MTA1: variants seen among roughly 807,000 people sequenced by gnomAD.
MTA1 encodes the protein metastasis associated 1.
A neutral mutation model predicts 97.0 loss-of-function variants in MTA1; 15 were observed. The ratio of observed to expected loss-of-function variants is 0.15; its 90% CI spans 0.10 to 0.24. The LOEUF (loss-of-function observed/expected upper bound fraction) is 0.24, where lower values mean the gene tolerates loss of function less well. MTA1 is among the 10% of genes least tolerant of loss of function. The pLI is 1.00. For missense variants in MTA1, 709 were observed against 1,015.1 expected (o/e 0.70, Z 4.10); for synonymous variants, 435 against 417.5 (o/e 1.04, Z -0.51).
intron 1 of MTA1, among the ~76,000 whole-genome samples, chr14:105,423,011 G>A (rs1595244974): frequency 6.6e-6 from 1 of 152,146 alleles, no homozygotes; most frequent in Admixed American, 6.5e-5. Context: ...GGCAACGGCG[G>A]GATGTTTCTT....
At chr14:105,466,634 C>G (rs1054622062) in intron 17 of MTA1, 56 bp downstream of exon 17, 70 of 1,576,222 alleles carry the variant, frequency 4.4e-5, no homozygotes, top group Non-Finnish European at 5.9e-5. Flanking sequence ...GAGTCCGGCC[C>G]GTCCCCGCCC....
chr14:105,456,259 T>A (rs1595382849), intron 7 of MTA1, among the ~76,000 whole-genome samples: 1 of 151,970 alleles, frequency 6.6e-6, no homozygotes, highest in Admixed American at 6.6e-5. Flanking sequence ...GGCCAGAGAG[T>A]GAGGAGCTGT....
At chr14:105,462,004 G>C (rs1357576461) in intron 10 of MTA1, among the ~76,000 whole-genome samples, 2 of 110,150 alleles carry the variant, frequency 1.8e-5, no homozygotes, top group Middle Eastern at 4.6e-3. Context: ...ATTTGAGGGA[G>C]ACCCTGCTGC....
At position 105,420,018 on chromosome 14, in the gene MTA1, G is replaced by C. The variant is rs1439651695; in HGVS notation, c.-18G>C. The C allele has an allele frequency of 1.9e-6, 2 of 1,038,908 alleles. No homozygotes were observed. Among genetic ancestry groups the C allele is most frequent in the African/African-American group, 1.8e-5 (1 of 54,194 alleles). 64.4% of individuals were successfully genotyped at this position (1,038,908 alleles called of 1,614,324 possible). ...CGCCGCGCCCGCCCCGGGCCCCTCCGCCGCCGCCGGCCCGGACATGGCCGC... is the reference window on the plus strand; with the variant it reads ...CGCCGCGCCCGCCCCGGGCCCCTCCCCCGCCGCCGGCCCGGACATGGCCGC... On this transcript the variant is annotated 5_prime_UTR_variant, in exon 1 of 21. Transcript: ENST00000331320. This position sits in a 1 kb window ranked among gnomAD's most constrained non-coding sequence, Gnocchi z 5.3.
chr14:105,433,810 A>C (rs766069600), intron 1 of MTA1, among the ~76,000 whole-genome samples: 86 of 152,240 alleles, frequency 5.6e-4, no homozygotes, highest in Non-Finnish European at 1.1e-3. Flanking sequence ...CATCTGTATT[A>C]TAGAAAGCTG....
Position 105,460,820 on chromosome 14 carries a change from C to T in MTA1, c.809C>T (p.Ser270Leu), listed in dbSNP as rs1166494047. 5 of 1,611,224 alleles carry T rather than the reference C, an allele frequency of 3.1e-6. No homozygotes were observed. Among genetic ancestry groups the T allele is most frequent in the African/African-American group, 1.3e-5 (1 of 74,896 alleles). The change falls in exon 10 of 21, where the codon TCG becomes TTG. Residue 270 changes from serine to leucine, a missense_variant. Around this residue, in one of 2 missense-constraint regions of MTA1, gnomAD observed 321 missense variants for 593.5 expected, o/e 0.54. Transcript: ENST00000331320. ...KNIYDISKAI[S>L]ALVPQGGPVL... ...ATCTACGACATCTCCAAGGCCATCTCGGCGCTGGTGCCGCAGGGCGGGCCC... is the reference window on the plus strand; with the variant it reads ...ATCTACGACATCTCCAAGGCCATCTTGGCGCTGGTGCCGCAGGGCGGGCCC...
Position 105,463,863 on chromosome 14 carries a change from A to T in MTA1, c.1077-169A>T. 1.4e-6 allele frequency: 1 copy of T among 711,734 alleles called. No homozygotes were observed. Among genetic ancestry groups the T allele is most frequent in the Non-Finnish European group, 2.5e-6 (1 of 403,708 alleles). 44.1% of individuals were successfully genotyped at this position (711,734 alleles called of 1,614,324 possible). On this transcript the variant is annotated intron_variant, in intron 12 of 20. Coordinates refer to ENST00000331320, the MANE Select transcript of MTA1 (RefSeq NM_004689.4). This position sits in a 1 kb window ranked among gnomAD's most constrained non-coding sequence, Gnocchi z 5.9. ...CCTGGAGAACGGCTCAGACCTCAGC[A>T]GTGGCTCCCAGGAACTGAAAGGGGA...
At chr14:105,442,458 C>T (rs1338087726) in intron 2 of MTA1, among the ~76,000 whole-genome samples, 2 of 152,242 alleles carry the variant, frequency 1.3e-5, no homozygotes, top group African/African-American at 4.8e-5. Context: ...GATATGAGCC[C>T]TTTCTCTTTG....
intron 2 of MTA1, among the ~76,000 whole-genome samples, chr14:105,440,317 C>A (rs1289543112): frequency 6.6e-6 from 1 of 152,260 alleles, no homozygotes; most frequent in Non-Finnish European, 1.5e-5. Flanking sequence ...TCAGCTGACG[C>A]TGAACCATGG....
intron 6 of MTA1, among the ~76,000 whole-genome samples, chr14:105,452,376 G>A (rs782220272): frequency 6.6e-6 from 1 of 151,588 alleles, no homozygotes; most frequent in Non-Finnish European, 1.5e-5. Flanking sequence ...AACCACTTGT[G>A]TTTATTAATT....
At chr14:105,447,549 C>T (rs894984280) in intron 3 of MTA1, among the ~76,000 whole-genome samples, 3 of 152,168 alleles carry the variant, frequency 2.0e-5, no homozygotes, top group Non-Finnish European at 4.4e-5. Context: ...GGCAGGTTTT[C>T]CAGAAGGGCC....
chr14:105,451,775 C>CTTTTTTTTTTTT lies in MTA1; in HGVS notation c.432+1458_432+1459insTTTTTTTTTTTT, dbSNP rs1436886470. On this transcript the variant is annotated intron_variant, in intron 6 of 20. Coordinates refer to ENST00000331320, the MANE Select transcript of MTA1 (RefSeq NM_004689.4). ...CAGCCCTTCCCCCCTTTTTCTTTTT[C>CTTTTTTTTTTTT]TTTTTTTGTTTTTTTTTTTTTTTTT... Among the ~76,000 whole-genome samples the CTTTTTTTTTTTT allele has an allele frequency of 2.9e-4, 34 of 118,258 alleles. 4 individuals carry two copies. The highest frequency in any genetic ancestry group is 4.1e-4 in the Non-Finnish European group (24 of 58,948). The allele number at this position is 118,258 out of a possible 152,430, so 77.6% of individuals were successfully genotyped here. A position where few individuals can be genotyped will look rare whatever the true frequency, so the allele number is the denominator to read the frequency against.
chr14:105,422,604 A>T lies in MTA1; in HGVS notation c.28+2541A>T, dbSNP rs1357172207. On this transcript the variant is annotated intron_variant, in intron 1 of 20. Coordinates refer to ENST00000331320, the MANE Select transcript of MTA1 (RefSeq NM_004689.4). This position sits in a 1 kb window ranked among gnomAD's most constrained non-coding sequence, Gnocchi z 4.3. ...AAATTTGAGTTTCAGATAAACAGAA[A>T]TTTATTAGTGTAAGTATGTCCCAAA... 6.6e-6 allele frequency among the ~76,000 whole-genome samples: 1 copy of T among 152,194 alleles called. No individual in the cohort carries two copies. The highest frequency in any genetic ancestry group is 6.5e-5 in the Admixed American group (1 of 15,290).
chr14:105,419,859 C>A lies in MTA1; in HGVS notation c.-177C>A, dbSNP rs1389575851. On this transcript the variant is annotated 5_prime_UTR_variant, in exon 1 of 21. Transcript: ENST00000331320. ...TCTCCCGCCCGCGCCGCGGCCCTCC[C>A]GTCCCTGCGCGGCCTCGGCGGCCTC... 4 of 164,728 alleles carry A rather than the reference C, an allele frequency of 2.4e-5. No individual in the cohort carries two copies. The highest frequency in any genetic ancestry group is 6.8e-5 in the Admixed American group (1 of 14,794). The allele number at this position is 164,728 out of a possible 1,614,324, so 10.2% of individuals were successfully genotyped here.
rs1555430865 is a variant in MTA1 at position 105,460,788 on chromosome 14, C to G, written c.777C>G (p.His259Gln). The G allele has an allele frequency of 6.2e-7, 1 of 1,600,930 alleles. No homozygotes were observed. The highest frequency in any genetic ancestry group is 2.2e-5 in the East Asian group (1 of 44,604). Residue 259 changes from histidine to glutamine, a missense_variant, in exon 10 of 21, where the codon CAC becomes CAG. His to Gln is a conservative substitution (Grantham distance 24, BLOSUM62 0). Around this residue, in one of 2 missense-constraint regions of MTA1, gnomAD observed 321 missense variants for 593.5 expected, o/e 0.54. Coordinates refer to ENST00000331320, the MANE Select transcript of MTA1 (RefSeq NM_004689.4). ...AGTTCCACGCCATGGATACTCTCCA[C>G]AAGAACATCTACGACATCTCCAAGG... ...ITLFHAMDTL[H>Q]KNIYDISKAI...
At chr14:105,423,504 C>A (rs782629692) in intron 1 of MTA1, among the ~76,000 whole-genome samples, 2 of 152,044 alleles carry the variant, frequency 1.3e-5, no homozygotes, top group Non-Finnish European at 2.9e-5. Flanking sequence ...GGCGTGAGCT[C>A]ATGCCCGGCC....
At chr14:105,430,090 C>G (rs782600890) in intron 1 of MTA1, among the ~76,000 whole-genome samples, 21 of 152,164 alleles carry the variant, frequency 1.4e-4, no homozygotes, top group Non-Finnish European at 2.6e-4. Context: ...TTTTCCTCTG[C>G]ATTCACAACT....
At chr14:105,433,323 G>A (rs587615750) in intron 1 of MTA1, among the ~76,000 whole-genome samples, 1 of 152,304 alleles carries the variant, frequency 6.6e-6, no homozygotes, top group Admixed American at 6.5e-5. Context: ...GGGCCTGGCT[G>A]AGCACCGGTG....
chr14:105,450,322 G>C lies in MTA1; in HGVS notation c.430G>C (p.Glu144Gln). The C allele has an allele frequency of 4.4e-6, 7 of 1,602,586 alleles. No individual in the cohort carries two copies. Among genetic ancestry groups the C allele is most frequent in the Non-Finnish European group, 6.0e-6 (7 of 1,171,648 alleles). ...GTCGCTCAAGTCCTACCTGGAGCGG[G>C]AGGTGAGGCCCAGCCCGGCCTGGTC... ...TESLKSYLER[E>Q]DFFFYSLVYD... Residue 144 changes from glutamate to glutamine, a missense_variant and splice_region_variant, in exon 6 of 21, where the codon GAG (glutamate) becomes CAG (glutamine). By Grantham distance (29) the Glu-to-Gln change is conservative. Transcript: ENST00000331320.
Sources: gnomAD v4.1 joint callset for allele counts (sites outside exome capture counted in the v4.1 genomes callset) on GRCh38, gnomAD v4.1.1 for gene constraint, gnomAD v4.1.1 regional missense constraint, Gnocchi (gnomAD v3.1) non-coding constraint, MANE v1.5 for transcripts, NCBI Gene and HGNC (gene_info 2026-07-23, HGNC 2026-07-21) for gene names.